TXLNB: variants seen among roughly 807,000 people sequenced by gnomAD.
TXLNB encodes the protein taxilin beta.
TXLNB carries 37 observed loss-of-function variants against 57.4 expected under a neutral mutation model. That is an observed-to-expected ratio of 0.64 (90% CI 0.50 to 0.85). The LOEUF (loss-of-function observed/expected upper bound fraction) is 0.85, where lower values mean the gene tolerates loss of function less well. Among genes scored for constraint, TXLNB ranks in the 40% least tolerant of loss-of-function variants. The pLI is 0.00. For synonymous variants in TXLNB, 302 were observed against 309.6 expected (o/e 0.98, Z 0.26); for missense variants, 848 against 825.6 (o/e 1.03, Z -0.33).
the TXLNB span, among the ~76,000 whole-genome samples, chr6:139,298,549 G>T: frequency 2.0e-5 from 3 of 152,320 alleles, no homozygotes; most frequent in African/African-American, 4.8e-5. Context: ...AGATTCAGAA[G>T]CATAGAACTG....
the TXLNB span, among the ~76,000 whole-genome samples, chr6:139,165,584 C>CT: frequency 0.028 from 3,865 of 138,208 alleles, 156 homozygotes; most frequent in African/African-American, 0.084. Context: ...GTGGCAACCA[C>CT]TTTTTTTTTT....
chr6:139,174,166 TA>T, the TXLNB span, among the ~76,000 whole-genome samples: 3 of 152,378 alleles, frequency 2.0e-5, no homozygotes, highest in Admixed American at 1.3e-4. Context: ...AAGTTTTTAA[TA>T]TGCTTGAACT....
chr6:139,209,247 G>A, the TXLNB span, among the ~76,000 whole-genome samples: 1 of 152,104 alleles, frequency 6.6e-6, no homozygotes, highest in African/African-American at 2.4e-5. Context: ...AATCAAGGAG[G>A]TGAAAGATCT....
chr6:139,166,160 C>T, the TXLNB span: 2 of 769,272 alleles, frequency 2.6e-6, no homozygotes, highest in Non-Finnish European at 4.3e-6. Flanking sequence ...TTTAAAGGAA[C>T]CCTGGAACTG....
the TXLNB span, among the ~76,000 whole-genome samples, chr6:139,196,070 T>C: frequency 6.6e-6 from 1 of 151,980 alleles, no homozygotes; most frequent in African/African-American, 2.4e-5. Context: ...GACATAATAG[T>C]TGTCAGCAGC....
chr6:139,243,172 CTTTGGT>C lies in TXLNB; in HGVS notation c.1403_1408del (p.Asp468_Ser470delinsGly). 1 of 1,614,110 alleles carries C rather than the reference CTTTGGT, an allele frequency of 6.2e-7. No individual in the cohort carries two copies. Among genetic ancestry groups the C allele is most frequent in the East Asian group, 2.2e-5 (1 of 44,886 alleles). ...TGGCTCTTCATCGGAGTTGTGCTGACTTTGGTCATCCTTTTCAGATATTTCTGCGTC... is the reference window on the plus strand; with the variant it reads ...TGGCTCTTCATCGGAGTTGTGCTGACCATCCTTTTCAGATATTTCTGCGTC... On this transcript the variant is annotated inframe_deletion, in exon 10 of 10. Coordinates refer to ENST00000358430, the MANE Select transcript of TXLNB (RefSeq NM_153235.4).
chr6:139,307,910 T>C, the TXLNB span, among the ~76,000 whole-genome samples: 3 of 152,208 alleles, frequency 2.0e-5, no homozygotes, highest in Non-Finnish European at 4.4e-5. Context: ...TCCTGATTAA[T>C]TAAAACACAT....
the TXLNB span, among the ~76,000 whole-genome samples, chr6:139,193,248 T>G: frequency 4.9e-5 from 7 of 144,144 alleles, no homozygotes; most frequent in African/African-American, 1.9e-4. Flanking sequence ...CCTCTTTTTT[T>G]TTTTTTTTTT....
intron 7 of TXLNB, among the ~76,000 whole-genome samples, chr6:139,254,315 T>TTGTGTGTGTGTGTGTGTG (rs60108019): frequency 1.3e-4 from 19 of 150,122 alleles, no homozygotes; most frequent in African/African-American, 4.4e-4. Context: ...TGAACACGAT[T>TTGTGTGTGTGTGTGTGTG]TGTGTGTGTG....
chr6:139,187,883 A>ACTC, the TXLNB span, among the ~76,000 whole-genome samples: 1 of 152,240 alleles, frequency 6.6e-6, no homozygotes. Context: ...TGGGGGTGTT[A>ACTC]AATGAAATCA....
chr6:139,270,429 A>G, intron 4 of TXLNB, 27 bp downstream of exon 4: 1 of 1,594,824 alleles, frequency 6.3e-7, no homozygotes, highest in Non-Finnish European at 8.5e-7. Flanking sequence ...TCAAGAAATT[A>G]TGTTATTCTG....
the TXLNB span, among the ~76,000 whole-genome samples, chr6:139,297,100 T>A: frequency 6.6e-6 from 1 of 152,218 alleles, no homozygotes; most frequent in South Asian, 2.1e-4. Flanking sequence ...TGAAGCACAC[T>A]TCCTGTTGAA....
At chr6:139,166,823 C>G in the TXLNB span, 28 of 1,613,578 alleles carry the variant, frequency 1.7e-5, no homozygotes, top group Non-Finnish European at 2.4e-5. Context: ...CTCCCCGGGC[C>G]AGTCCCCACC....
chr6:139,239,152 C>G (rs1775870413), downstream of TXLNB: 1 of 152,272 alleles, frequency 6.6e-6, no homozygotes, highest in African/African-American at 2.4e-5. The surrounding 1 kb of genome is among the most constrained non-coding windows in gnomAD (Gnocchi z 4.7). Context: ...GTTTGAGAAG[C>G]CCCTCCCAGG....
chr6:139,276,265 T>C (rs1182358123), intron 3 of TXLNB, among the ~76,000 whole-genome samples: 2 of 152,222 alleles, frequency 1.3e-5, no homozygotes, highest in South Asian at 2.1e-4. Context: ...ACTATGTCAA[T>C]ATACCTAAAA....
At chr6:139,223,949 T>A in the TXLNB span, among the ~76,000 whole-genome samples, 1 of 150,256 alleles carries the variant, frequency 6.7e-6, no homozygotes, top group African/African-American at 2.5e-5. Context: ...TTACTGGGTA[T>A]CTACCCAAAG....
chr6:139,233,390 AATATATATTTTTAT>A, the TXLNB span, among the ~76,000 whole-genome samples: 17 of 133,970 alleles, frequency 1.3e-4, no homozygotes, highest in Middle Eastern at 7.9e-3. Flanking sequence ...TATATAAATA[AATATATATTTTTAT>A]ATAAATTTAT....
At chr6:139,178,274 G>A in the TXLNB span, 1 of 152,222 alleles carries the variant, frequency 6.6e-6, no homozygotes, top group Non-Finnish European at 1.5e-5. Context: ...TGATTAGTCA[G>A]AGCATTGGGC....
the TXLNB span, chr6:139,177,912 T>C: frequency 1.3e-5 from 2 of 152,218 alleles, no homozygotes; most frequent in Non-Finnish European, 2.9e-5. This position sits in a 1 kb window ranked among gnomAD's most constrained non-coding sequence, Gnocchi z 4.9. Flanking sequence ...CAGGTTGCAC[T>C]GTTGAAGTGT....
Sources: gnomAD v4.1 joint callset for allele counts (sites outside exome capture counted in the v4.1 genomes callset) on GRCh38, gnomAD v4.1.1 for gene constraint, Gnocchi (gnomAD v3.1) non-coding constraint, MANE v1.5 for transcripts, NCBI Gene and HGNC (gene_info 2026-07-23, HGNC 2026-07-21) for gene names.